The following TMEM154 variants were observed in gnomAD, a reference collection of about 807,000 sequenced individuals.
TMEM154 encodes transmembrane protein 154.
TMEM154 carries 27 observed loss-of-function variants against 24.5 expected under a neutral mutation model. That is an observed-to-expected ratio of 1.10 (90% CI 0.81 to 1.52). The LOEUF is 1.52. Among genes scored for constraint, TMEM154 ranks in the 40% most tolerant of loss-of-function variants. The pLI, the probability that TMEM154 is intolerant of heterozygous loss-of-function variation, is 0.00. For synonymous variants in TMEM154, 67 were observed against 76.8 expected, an observed-to-expected ratio of 0.87 and a Z score of 0.67; for missense variants, 228 against 213.4, an observed-to-expected ratio of 1.07 and a Z score of -0.43.
At chr4:152,647,989 T>C in intron 3 of TMEM154, among the ~76,000 whole-genome samples, 1 of 152,146 alleles carries the variant, frequency 6.6e-6, no homozygotes, top group East Asian at 1.9e-4. Flanking sequence ...GACTAGCTCT[T>C]GGTTCTCCTG....
rs1751905833 is a variant in TMEM154, at chr4:152,625,738, A to G, written c.*2808T>C. The G allele has an allele frequency of 6.6e-6, 1 of 151,330 alleles. No homozygotes were observed. Among genetic ancestry groups the G allele is most frequent in the Non-Finnish European group, 1.5e-5 (1 of 67,950 alleles). The allele number at this position is 151,330 out of a possible 1,614,324, so 9.4% of individuals were successfully genotyped here. Reference sequence around the variant, plus strand: ...GAAGTAGCACATAGTGAAAATGAATATAATAATTTTACAGCTGGTCGGGCT... The same window carrying G: ...GAAGTAGCACATAGTGAAAATGAATGTAATAATTTTACAGCTGGTCGGGCT... On this transcript the variant is annotated 3_prime_UTR_variant, in exon 7 of 7. Coordinates refer to ENST00000304385, the MANE Select transcript of TMEM154 (RefSeq NM_152680.3).
chr4:152,678,222 AG>A (rs1281237055), intron 1 of TMEM154, among the ~76,000 whole-genome samples: 1 of 152,046 alleles, frequency 6.6e-6, no homozygotes, highest in Non-Finnish European at 1.5e-5. Flanking sequence ...GGCATAAATG[AG>A]GGGTCCTTAA....
At position 152,643,058 on chromosome 4, in the gene TMEM154, G is replaced by GA. The variant is rs746464344; in HGVS notation, c.478+29dup. ...CAGCCTTCTGTTACTAGAGAGGAAA[G>GA]AAAAAAAACAACTTTAGGTTACCAC... On this transcript the variant is annotated intron_variant, in intron 5 of 6. Transcript: ENST00000304385. 186 of 1,553,638 alleles carry GA rather than the reference G, an allele frequency of 1.2e-4. 2 individuals carry two copies. Among genetic ancestry groups the GA allele is most frequent in the Non-Finnish European group, 1.4e-4 (156 of 1,133,986 alleles).
chr4:152,659,976 G>A (rs879828560), intron 1 of TMEM154, among the ~76,000 whole-genome samples: 2 of 152,120 alleles, frequency 1.3e-5, no homozygotes, highest in Non-Finnish European at 2.9e-5. Flanking sequence ...TACTATTTGT[G>A]GCCACGGTTG....
rs970967970 is a variant in TMEM154 at position 152,663,412 on chromosome 4, A to G, written c.65-10485T>C. On this transcript the variant is annotated intron_variant, in intron 1 of 6. Transcript: ENST00000304385. The stretch of plus-strand genomic sequence containing the variant: ...GAGGGCAAAGAGAGAGGCATTAACA[A>G]GCAAAAGAATAGAAAAGAAGAAATA... Among the ~76,000 whole-genome samples, 12 of 152,260 alleles carry G rather than the reference A, an allele frequency of 7.9e-5. No homozygotes were observed. The East Asian group carries it at 2.1e-3, about 27-fold the overall frequency.
At chr4:152,638,909 T>C (rs1187393192) in intron 6 of TMEM154, among the ~76,000 whole-genome samples, 1 of 152,158 alleles carries the variant, frequency 6.6e-6, no homozygotes, top group African/African-American at 2.4e-5. Context: ...CATTTAACTA[T>C]GTGAAGGCTC....
Position 152,623,549 on chromosome 4 carries a change from T to C in TMEM154, c.*4997A>G, listed in dbSNP as rs1270629579. On this transcript the variant is annotated 3_prime_UTR_variant, in exon 7 of 7. Transcript: ENST00000304385. ...ATGTTGTTTGCTGCAGTGTAGTAGC[T>C]ACATATCATTCTTTAGTCCTTTACA... 1 of 152,190 alleles carries C rather than the reference T, an allele frequency of 6.6e-6. No homozygotes were observed. The highest frequency in any genetic ancestry group is 1.9e-4 in the East Asian group (1 of 5,196). 9.4% of individuals were successfully genotyped at this position (152,190 alleles called of 1,614,324 possible). A position where few individuals can be genotyped will look rare whatever the true frequency, so the allele number is the denominator to read the frequency against.
At position 152,626,389 on chromosome 4, in the gene TMEM154, A is replaced by G. The variant is rs1006939194; in HGVS notation, c.*2157T>C. The G allele has an allele frequency of 6.6e-6, 1 of 152,468 alleles. No homozygotes were observed. Among genetic ancestry groups the G allele is most frequent in the African/African-American group, 2.4e-5 (1 of 41,450 alleles). The allele number at this position is 152,468 out of a possible 1,614,324, so 9.4% of individuals were successfully genotyped here. Reference sequence around the variant, plus strand: ...TTCTTGAAACTGTCATAAACATATGATATCTATTGATTAAACAGTAATAAA... The same window carrying G: ...TTCTTGAAACTGTCATAAACATATGGTATCTATTGATTAAACAGTAATAAA... On this transcript the variant is annotated 3_prime_UTR_variant, in exon 7 of 7. Transcript: ENST00000304385.
intron 1 of TMEM154, among the ~76,000 whole-genome samples, chr4:152,673,374 C>T (rs1302332057): frequency 1.3e-5 from 2 of 152,134 alleles, no homozygotes; most frequent in African/African-American, 4.8e-5. Flanking sequence ...AATCTCAGCT[C>T]ACTGCAACCA....
Position 152,627,072 on chromosome 4 carries a change from A to T in TMEM154, c.*1474T>A, listed in dbSNP as rs1751934305. ...TAGCGTGATAGCAGTGGTTAAACAC[A>T]ACCAGCTAGTTATAGCTTTCATTGT... is the stretch of plus-strand genomic sequence containing the variant. On this transcript the variant is annotated 3_prime_UTR_variant, in exon 7 of 7. Transcript: ENST00000304385. The T allele has an allele frequency of 6.6e-6, 1 of 152,256 alleles. No homozygotes were observed. Among genetic ancestry groups the T allele is most frequent in the Non-Finnish European group, 1.5e-5 (1 of 68,044 alleles). 9.4% of individuals were successfully genotyped at this position (152,256 alleles called of 1,614,324 possible). A position where few individuals can be genotyped will look rare whatever the true frequency, so the allele number is the denominator to read the frequency against.
In TMEM154 at chr4:152,620,749, C is replaced by T. The variant is rs62320817; in HGVS notation, c.*7797G>A. ...CTCCTGACCTCAGGTGATCCGCCTG[C>T]CTCGGCCTCCCAAAGTGGTGGGATT... On this transcript the variant is annotated 3_prime_UTR_variant, in exon 7 of 7. Coordinates refer to ENST00000304385, the MANE Select transcript of TMEM154 (RefSeq NM_152680.3). 16,803 of 152,154 alleles carry T rather than the reference C, an allele frequency of 0.11. 1,209 individuals carry two copies. Among genetic ancestry groups the T allele is most frequent in the Non-Finnish European group, 0.16 (10,830 of 68,004 alleles). 9.4% of individuals were successfully genotyped at this position (152,154 alleles called of 1,614,324 possible). A position where few individuals can be genotyped will look rare whatever the true frequency, so the allele number is the denominator to read the frequency against.
intron 1 of TMEM154, among the ~76,000 whole-genome samples, chr4:152,658,155 A>G (rs925635583): frequency 3.3e-5 from 5 of 152,218 alleles, no homozygotes; most frequent in Middle Eastern, 3.2e-3. Flanking sequence ...GTACAAATAC[A>G]TGGAAATTAA....
chr4:152,653,653 G>T (rs1004287217), intron 1 of TMEM154, among the ~76,000 whole-genome samples: 5 of 151,506 alleles, frequency 3.3e-5, no homozygotes, highest in Non-Finnish European at 7.4e-5. Context: ...GCCTACCAAA[G>T]TGCTAGAATT....
intron 6 of TMEM154, chr4:152,639,776 C>T (rs141118025): frequency 1.3e-5 from 2 of 152,906 alleles, no homozygotes; most frequent in Admixed American, 6.5e-5. Flanking sequence ...CCAAGCATGA[C>T]CTGGAATCTC....
At chr4:152,667,796 G>A (rs879723536) in intron 1 of TMEM154, among the ~76,000 whole-genome samples, 26 of 152,304 alleles carry the variant, frequency 1.7e-4, no homozygotes, top group Non-Finnish European at 3.8e-4. Flanking sequence ...GCCTTGCATC[G>A]AAAGAACATA....
rs762093771 is a variant in TMEM154, at chr4:152,652,799, T to C, written c.193A>G (p.Thr65Ala). 4.3e-6 allele frequency: 7 copies of C among 1,613,938 alleles called. No homozygotes were observed. The East Asian group carries it at 1.6e-4, about 36-fold the overall frequency. Residue 65 changes from threonine to alanine, a missense_variant, in exon 2 of 7, where the codon ACC (threonine) becomes GCC (alanine). Transcript: ENST00000304385. Reference protein sequence around the residue: ...KETLNANINSTNFAPDENQLE... With the variant: ...KETLNANINSANFAPDENQLE... The stretch of plus-strand genomic sequence containing the variant: ...TGATTTTCATCCGGAGCAAAGTTGG[T>C]AGAATTTATATTTGCATTTAATGTT...
At position 152,679,969 on chromosome 4, in the gene TMEM154, T is replaced by G. The variant is rs1729031853; in HGVS notation, c.-36A>C. The G allele has an allele frequency of 1.3e-6, 2 of 1,570,904 alleles. No individual in the cohort carries two copies. The highest frequency in any genetic ancestry group is 4.6e-5 in the East Asian group (2 of 43,920). Reference sequence around the variant, plus strand: ...CTCGGCAGAGGCGCGCTCAGGATGCTGCGCCGGGCTGCAGCCTCTCTGAAA... The same window carrying G: ...CTCGGCAGAGGCGCGCTCAGGATGCGGCGCCGGGCTGCAGCCTCTCTGAAA... On this transcript the variant is annotated 5_prime_UTR_variant, in exon 1 of 7. Transcript: ENST00000304385.
chr4:152,655,789 C>T (rs1163726616), intron 1 of TMEM154, among the ~76,000 whole-genome samples: 5 of 152,196 alleles, frequency 3.3e-5, no homozygotes, highest in African/African-American at 7.2e-5. Flanking sequence ...CCACTGAAAG[C>T]AATCCCATCC....
chr4:152,668,626 GACAA>G (rs1269694975), intron 1 of TMEM154: 2 of 152,266 alleles, frequency 1.3e-5, no homozygotes, highest in African/African-American at 4.8e-5. Flanking sequence ...GGAAGACAGA[GACAA>G]ACAAAACAAC....
Sources: gnomAD v4.1 joint callset for allele counts (sites outside exome capture counted in the v4.1 genomes callset) on GRCh38, gnomAD v4.1.1 for gene constraint, MANE v1.5 for transcripts, NCBI Gene and HGNC (gene_info 2026-07-23, HGNC 2026-07-21) for gene names.